XCR1: variants seen among roughly 807,000 people sequenced by gnomAD.
XCR1 encodes X-C motif chemokine receptor 1.
For synonymous variants in XCR1, 187 were observed against 188.5 expected (o/e 0.99, Z 0.06); for missense variants, 356 against 424.2 (o/e 0.84, Z 1.41).
At chr3:46,034,780 C>T (rs897579648) in intron 5 of XCR1, among the ~76,000 whole-genome samples, 6 of 152,136 alleles carry the variant, frequency 3.9e-5, no homozygotes, top group East Asian at 1.9e-4. Context: ...AAAAAAGCTT[C>T]TGGTTTTAAA....
At chr3:46,063,226 G>A (rs1175900960) in intron 4 of XCR1, among the ~76,000 whole-genome samples, 11 of 152,146 alleles carry the variant, frequency 7.2e-5, no homozygotes, top group Non-Finnish European at 4.4e-5. Flanking sequence ...CAGGATATAG[G>A]GAATGCAAGA....
At chr3:46,029,051 A>G (rs764879655), upstream of XCR1, among the ~76,000 whole-genome samples, 1 of 152,210 alleles carries the variant, frequency 6.6e-6, no homozygotes, top group Non-Finnish European at 1.5e-5. Flanking sequence ...CTTTGCATCT[A>G]TCCTTATGTC....
chr3:46,044,778 A>G (rs1697594689), intron 5 of XCR1, among the ~76,000 whole-genome samples: 1 of 152,242 alleles, frequency 6.6e-6, no homozygotes, highest in Admixed American at 6.5e-5. Context: ...CTTGAAAAAT[A>G]CAAACTACCA....
rs567289553 is a variant in XCR1 at position 46,082,917 on chromosome 3, C to T, written c.-515+2877G>A. Among the ~76,000 whole-genome samples the T allele has an allele frequency of 1.4e-4, 21 of 152,268 alleles. No homozygotes were observed. The South Asian group carries it at 4.4e-3, about 32-fold the overall frequency. ...GAGATGCTGGGTTTGCTACCCTAAA[C>T]CAAAAACTACTTTTGACCACAATGA... On this transcript the variant is annotated intron_variant, in intron 1 of 5. Transcript: ENST00000683768.
chr3:46,029,085 T>G (rs61598729), upstream of XCR1, among the ~76,000 whole-genome samples: 15,431 of 152,248 alleles, frequency 0.1, 2,650 homozygotes, highest in African/African-American at 0.35. Context: ...TTTGATTACC[T>G]TTGTAGTAAG....
intron 1 of XCR1, among the ~76,000 whole-genome samples, chr3:46,084,482 G>A (rs1279583654): frequency 6.6e-6 from 1 of 152,196 alleles, no homozygotes; most frequent in East Asian, 1.9e-4. Flanking sequence ...CTGATGCCAA[G>A]TAGCTATAAA....
At chr3:46,056,016 G>A (rs374687802) in intron 4 of XCR1, among the ~76,000 whole-genome samples, 4 of 152,184 alleles carry the variant, frequency 2.6e-5, no homozygotes, top group Admixed American at 6.5e-5. Context: ...CTAGGGCTTG[G>A]TTTAAGGGGA....
intron 4 of XCR1, among the ~76,000 whole-genome samples, chr3:46,055,568 T>C (rs1697836217): frequency 6.6e-6 from 1 of 152,222 alleles, no homozygotes. Context: ...AACTCCTCAG[T>C]GAGACAGATT....
At chr3:46,076,713 G>C (rs1433076524) in intron 2 of XCR1, among the ~76,000 whole-genome samples, 1 of 152,088 alleles carries the variant, frequency 6.6e-6, no homozygotes, top group African/African-American at 2.4e-5. Flanking sequence ...AAAACAAGGG[G>C]CTATACCTCA....
intron 4 of XCR1, among the ~76,000 whole-genome samples, chr3:46,057,048 C>T (rs1313028372): frequency 6.6e-6 from 1 of 152,178 alleles, no homozygotes; most frequent in East Asian, 1.9e-4. Flanking sequence ...TTCATCATCA[C>T]CCTACAATGT....
intron 1 of XCR1, among the ~76,000 whole-genome samples, chr3:46,079,902 C>T (rs1183817526): frequency 1.3e-5 from 2 of 152,096 alleles, no homozygotes. Context: ...AAAAATCCCT[C>T]AGAGGATTTG....
intron 3 of XCR1, among the ~76,000 whole-genome samples, chr3:46,073,880 C>T (rs1410932158): frequency 6.6e-6 from 1 of 151,326 alleles, no homozygotes; most frequent in African/African-American, 2.4e-5. Context: ...AACATGATAC[C>T]ATCTTACACC....
rs779020122 is a variant in XCR1 at position 46,021,635 on chromosome 3, G to A, written c.313C>T (p.Leu105Phe). The A allele has an allele frequency of 1.5e-5, 25 of 1,613,742 alleles. No individual in the cohort carries two copies. The highest frequency in any genetic ancestry group is 2.0e-5 in the Non-Finnish European group (24 of 1,179,950). The change falls in exon 2 of 2, where the codon CTC becomes TTC. Residue 105 changes from leucine (L) to phenylalanine (F), a missense_variant. By Grantham distance (22) the Leu-to-Phe change is conservative (BLOSUM62 0). Coordinates refer to ENST00000309285, the MANE Select transcript of XCR1 (RefSeq NM_001024644.2). This position sits in a 1 kb window ranked among gnomAD's most constrained non-coding sequence, Gnocchi z 4.7. ...WVLGDFLCKL[L>F]NMIFSISLYS... ...AGGCTGATGGAGAAGATCATATTGA[G>A]GAGTTTGCAGAGGAAGTCTCCCAGC...
intron 1 of XCR1, among the ~76,000 whole-genome samples, chr3:46,026,336 G>A (rs1158681132): frequency 1.3e-5 from 2 of 152,016 alleles, no homozygotes; most frequent in Non-Finnish European, 2.9e-5. Flanking sequence ...CCCTTTTGCT[G>A]GTTGTCTCTC....
intron 1 of XCR1, 71 bp from the exon 2 acceptor site, chr3:46,022,049 A>G: frequency 7.2e-7 from 1 of 1,379,650 alleles, no homozygotes; most frequent in Admixed American, 2.4e-5. Context: ...CTGTAATCCT[A>G]GCACTTTGGA....
At chr3:46,062,590 G>T (rs10049103) in intron 4 of XCR1, among the ~76,000 whole-genome samples, 13,922 of 152,290 alleles carry the variant, frequency 0.091, 2,168 homozygotes, top group African/African-American at 0.32. Flanking sequence ...GCCTACTTTT[G>T]CTCCTTCTCC....
At chr3:46,056,717 A>C (rs1312412607) in intron 4 of XCR1, among the ~76,000 whole-genome samples, 1 of 151,836 alleles carries the variant, frequency 6.6e-6, no homozygotes, top group Non-Finnish European at 1.5e-5. Context: ...CAACTCCTGA[A>C]CTCAAGTGAT....
In XCR1 at chr3:46,021,114, G is replaced by A; in HGVS notation, c.834C>T (p.Ser278=). The A allele has an allele frequency of 1.9e-6, 3 of 1,614,254 alleles. No individual in the cohort carries two copies. The highest frequency in any genetic ancestry group is 2.5e-6 in the Non-Finnish European group (3 of 1,180,038). The stretch of plus-strand genomic sequence containing the variant: ...AGAGCACCGGGTTAAAGCAGCAGTG[G>A]GAGAAGGCGAGGTTGCGGCAGATGA... ...ALLICRNLAF[S]HCCFNPVLYV... is the part of the protein sequence containing the mutation. Residue 278 remains serine, a synonymous_variant, in exon 2 of 2, where the codon TCC becomes TCT. Coordinates refer to ENST00000309285, the MANE Select transcript of XCR1 (RefSeq NM_001024644.2). The surrounding 1 kb of genome is among the most constrained non-coding windows in gnomAD (Gnocchi z 4.7).
intron 1 of XCR1, among the ~76,000 whole-genome samples, chr3:46,084,444 G>A (rs1698434639): frequency 6.6e-6 from 1 of 152,224 alleles, no homozygotes; most frequent in South Asian, 2.1e-4. Context: ...ACCTCTTGAA[G>A]CCACTTGCTA....
Sources: gnomAD v4.1 joint callset for allele counts (sites outside exome capture counted in the v4.1 genomes callset) on GRCh38, gnomAD v4.1.1 for gene constraint, Gnocchi (gnomAD v3.1) non-coding constraint, MANE v1.5 for transcripts, NCBI Gene and HGNC (gene_info 2026-07-23, HGNC 2026-07-21) for gene names.